The following PCDH15 variants were observed in gnomAD, a reference collection of about 807,000 sequenced individuals.
PCDH15 encodes the protein protocadherin-15.
PCDH15 carries 129 observed loss-of-function variants against 178.5 expected under a neutral mutation model. The observed-to-expected ratio is 0.72, with a 90% CI of 0.63 to 0.84. The LOEUF is 0.84. Among genes scored for constraint, PCDH15 ranks in the 40% least tolerant of loss-of-function variants. The probability of loss-of-function intolerance (pLI) is 0.00; values close to 1 mark genes in which losing one functional copy is unlikely to be tolerated. For synonymous variants in PCDH15, 800 were observed against 732.0 expected, an observed-to-expected ratio of 1.09 and a Z score of -1.50; for missense variants, 2,230 against 2,099.9, an observed-to-expected ratio of 1.06 and a Z score of -1.21.
chr10:54,559,011 C>A (rs116487238), intron 2 of PCDH15, among the ~76,000 whole-genome samples: 3,106 of 151,946 alleles, frequency 0.02, 90 homozygotes, highest in African/African-American at 0.069. Flanking sequence ...AGGTTTGGCA[C>A]AAGAATTGCG....
In PCDH15 at chr10:54,317,415, C is replaced by T. The variant is rs2061344904; in HGVS notation, c.732G>A (p.Arg244=). The change falls in exon 8 of 38, where the codon AGG becomes AGA. Residue 244 remains arginine, a synonymous_variant. Coordinates refer to ENST00000644397, the MANE Select transcript of PCDH15 (RefSeq NM_001384140.1). The part of the protein sequence containing the change: ...ANDRAQNLNE[R]RTTTTTLTVD... ...CTGTGAGAGTGGTGGTGGTGGTTCG[C>T]CTCTCATTCAGATTTTGGGCACGGT... 6.2e-7 allele frequency: 1 copy of T among 1,613,730 alleles called. No individual in the cohort carries two copies. The highest frequency in any genetic ancestry group is 2.2e-5 in the East Asian group (1 of 44,872).
At chr10:54,227,083 T>C (rs1239536790) in intron 9 of PCDH15, among the ~76,000 whole-genome samples, 2 of 152,190 alleles carry the variant, frequency 1.3e-5, no homozygotes, top group Non-Finnish European at 2.9e-5. Flanking sequence ...TCTACCATTC[T>C]GGGGTCTGTA....
At chr10:54,424,480 A>G (rs1955984510) in intron 3 of PCDH15, among the ~76,000 whole-genome samples, 1 of 151,774 alleles carries the variant, frequency 6.6e-6, no homozygotes, top group South Asian at 2.1e-4. Flanking sequence ...AACTAGAAAT[A>G]CCATTTGACC....
chr10:54,238,659 CCTCT>C (rs141677915), intron 8 of PCDH15, among the ~76,000 whole-genome samples: 3 of 130,182 alleles, frequency 2.3e-5, no homozygotes, highest in African/African-American at 5.9e-5. Flanking sequence ...TCCCATGCTG[CCTCT>C]CTCTCTCTCT....
intron 21 of PCDH15, among the ~76,000 whole-genome samples, chr10:53,993,260 G>T (rs1325224334): frequency 1.3e-5 from 2 of 152,086 alleles, no homozygotes; most frequent in Admixed American, 1.3e-4. Flanking sequence ...CTGGAAGTCT[G>T]GCACATTTTG....
rs188871909 is a variant in PCDH15 at position 55,437,907 on chromosome 10, G to A, written c.-156+189718C>T. ...GGCGGGAGTGCAATGGCGTGATCTC[G>A]GCTCACCGCAACCTCTGCCTCCCGG... On this transcript the variant is annotated intron_variant, in intron 2 of 5. Coordinates refer to the PCDH15 transcript ENST00000613346. Among the ~76,000 whole-genome samples, 1,122 of 137,490 alleles carry A rather than the reference G, an allele frequency of 8.2e-3. 10 individuals carry two copies. Among genetic ancestry groups the A allele is most frequent in the African/African-American group, 0.03 (1,071 of 35,508 alleles). The allele number at this position is 137,490 out of a possible 152,430, so 90.2% of individuals were successfully genotyped here.
At chr10:53,947,279 T>C (rs2086654711) in intron 23 of PCDH15, among the ~76,000 whole-genome samples, 1 of 152,134 alleles carries the variant, frequency 6.6e-6, no homozygotes, top group South Asian at 2.1e-4. Flanking sequence ...TATTGTTGAG[T>C]TCAAGAAGTA....
At chr10:55,418,969 T>C (rs1459219961) in intron 2 of PCDH15, among the ~76,000 whole-genome samples, 1 of 151,798 alleles carries the variant, frequency 6.6e-6, no homozygotes, top group East Asian at 1.9e-4. Context: ...AACATTATAA[T>C]ATCTACGTAT....
At chr10:55,425,688 A>C (rs1051152227) in intron 2 of PCDH15, among the ~76,000 whole-genome samples, 1 of 152,042 alleles carries the variant, frequency 6.6e-6, no homozygotes, top group African/African-American at 2.4e-5. Flanking sequence ...AAACAGTGTT[A>C]CTCATTAAAA....
chr10:55,322,845 A>C (rs945151423), upstream of PCDH15, among the ~76,000 whole-genome samples: 1 of 152,196 alleles, frequency 6.6e-6, no homozygotes, highest in Non-Finnish European at 1.5e-5. Context: ...AATTTGCATA[A>C]GTAACAAGCA....
At chr10:54,818,757 A>C (rs1187639287) in intron 3 of PCDH15, among the ~76,000 whole-genome samples, 1 of 151,952 alleles carries the variant, frequency 6.6e-6, no homozygotes, top group African/African-American at 2.4e-5. Context: ...GGAATTAGAG[A>C]CCCTATGAAA....
intron 1 of PCDH15, among the ~76,000 whole-genome samples, chr10:55,191,396 A>C (rs1839941577): frequency 6.6e-6 from 1 of 151,790 alleles, no homozygotes; most frequent in Non-Finnish European, 1.5e-5. Context: ...TAAGATCCTA[A>C]GTATCTCAAC....
At chr10:54,979,373 G>T (rs753302071) in intron 2 of PCDH15, among the ~76,000 whole-genome samples, 3 of 152,000 alleles carry the variant, frequency 2.0e-5, no homozygotes, top group Non-Finnish European at 4.4e-5. Context: ...GGATCCAAAA[G>T]AATTTTATTT....
At chr10:55,485,308 C>T (rs528814400) in intron 2 of PCDH15, among the ~76,000 whole-genome samples, 3 of 151,708 alleles carry the variant, frequency 2.0e-5, no homozygotes, top group African/African-American at 7.2e-5. Context: ...TATTGGAATG[C>T]TAAGTGTGTG....
At chr10:54,350,891 G>A (rs1944067288) in intron 5 of PCDH15, among the ~76,000 whole-genome samples, 1 of 152,112 alleles carries the variant, frequency 6.6e-6, no homozygotes, top group Non-Finnish European at 1.5e-5. Flanking sequence ...ATTACTTGAG[G>A]TCAGGAGTTG....
chr10:54,315,248 T>C (rs2061169744), intron 8 of PCDH15, among the ~76,000 whole-genome samples: 1 of 152,216 alleles, frequency 6.6e-6, no homozygotes, highest in Admixed American at 6.6e-5. Flanking sequence ...TGTGCAATGG[T>C]TTCTCATTGT....
At chr10:54,132,092 C>T (rs190507947) in intron 15 of PCDH15, among the ~76,000 whole-genome samples, 5 of 152,246 alleles carry the variant, frequency 3.3e-5, no homozygotes, top group Admixed American at 2.6e-4. Flanking sequence ...CCACATAACA[C>T]CAGAAGATAA....
At chr10:53,957,866 G>A (rs1248238612) in intron 23 of PCDH15, among the ~76,000 whole-genome samples, 2 of 152,094 alleles carry the variant, frequency 1.3e-5, no homozygotes, top group East Asian at 3.9e-4. Context: ...GTACATGTGG[G>A]TGAGAATAAC....
At chr10:54,779,481 T>TATATGTGTGTATATATATATACAC (rs1566222419) in intron 1 of PCDH15, among the ~76,000 whole-genome samples, 2 of 74,246 alleles carry the variant, frequency 2.7e-5, no homozygotes, top group African/African-American at 1.1e-4. Context: ...TATACACACA[T>TATATGTGTGTATATATATATACAC]ATATATGTAT....
Sources: gnomAD v4.1 joint callset for allele counts (sites outside exome capture counted in the v4.1 genomes callset) on GRCh38, gnomAD v4.1.1 for gene constraint, MANE v1.5 for transcripts, NCBI Gene and HGNC (gene_info 2026-07-23, HGNC 2026-07-21) for gene names.